Variants in GRIA2 observed in about 807,000 individuals in gnomAD.
GRIA2 encodes glutamate receptor 2.
A neutral mutation model predicts 97.3 loss-of-function variants in GRIA2; 14 were observed. The ratio of observed to expected loss-of-function variants is 0.14; its 90% confidence interval spans 0.10 to 0.23. The LOEUF is 0.23. GRIA2 is among the 10% of genes least tolerant of loss of function. The pLI is 1.00. For missense variants in GRIA2, 558 were observed against 1,069.8 expected (o/e 0.52, Z 6.67); for synonymous variants, 412 against 387.8 (o/e 1.06, Z -0.73).
At chr4:157,261,640 T>C (rs1288965664) in intron 2 of GRIA2, among the ~76,000 whole-genome samples, 1 of 152,148 alleles carries the variant, frequency 6.6e-6, no homozygotes, top group Admixed American at 6.6e-5. Context: ...ATGTGGAAAT[T>C]AGATTAGCTA....
At chr4:157,246,004 TA>T (rs541840753) in intron 2 of GRIA2, among the ~76,000 whole-genome samples, 8 of 151,804 alleles carry the variant, frequency 5.3e-5, no homozygotes, top group East Asian at 1.9e-4. Context: ...TTTTTTCTGA[TA>T]AAAAAAACAA....
At chr4:157,321,649 G>A in intron 6 of GRIA2, 50 bp downstream of exon 6, 2 of 1,335,082 alleles carry the variant, frequency 1.5e-6, no homozygotes, top group Non-Finnish European at 2.1e-6. Context: ...TGAGGAGAGA[G>A]AAGAGTCTTG....
At chr4:157,299,337 C>A (rs991545399) in intron 2 of GRIA2, among the ~76,000 whole-genome samples, 8 of 152,020 alleles carry the variant, frequency 5.3e-5, no homozygotes, top group Non-Finnish European at 1.2e-4. Flanking sequence ...TCAGTGGTTT[C>A]CATATTTTGA....
chr4:157,351,794 C>G (rs1356575546), intron 12 of GRIA2, among the ~76,000 whole-genome samples: 1 of 152,172 alleles, frequency 6.6e-6, no homozygotes, highest in African/African-American at 2.4e-5. Flanking sequence ...ACCCTTTGCT[C>G]CATACTTCTT....
intron 1 of GRIA2, 83 bp from the exon 2 acceptor site, chr4:157,221,584 G>T (rs1729495490): frequency 1.4e-6 from 2 of 1,430,994 alleles, no homozygotes; most frequent in South Asian, 1.3e-5. Flanking sequence ...GAGACTCTTG[G>T]ATTTTTGGGC....
At chr4:157,240,395 AT>A in intron 2 of GRIA2, among the ~76,000 whole-genome samples, 1 of 152,106 alleles carries the variant, frequency 6.6e-6, no homozygotes, top group East Asian at 1.9e-4. Context: ...TTCCACAAAA[AT>A]TTTTGAAATA....
rs1736782054 is a variant in GRIA2, at chr4:157,364,330, A to G, written c.*899A>G. The G allele has an allele frequency of 6.6e-6, 1 of 152,470 alleles. No homozygotes were observed. The highest frequency in any genetic ancestry group is 1.5e-5 in the Non-Finnish European group (1 of 67,958). The allele number at this position is 152,470 out of a possible 1,614,324, so 9.4% of individuals were successfully genotyped here. A position where few individuals can be genotyped will look rare whatever the true frequency, so the allele number is the denominator to read the frequency against. Reference sequence around the variant, plus strand: ...AATTTTGCTTAGCTACAGTTTGGTCATAAATCAAGTGAGTTTAAAGACACT... The same window carrying G: ...AATTTTGCTTAGCTACAGTTTGGTCGTAAATCAAGTGAGTTTAAAGACACT... On this transcript the variant is annotated 3_prime_UTR_variant, in exon 16 of 16. Coordinates refer to ENST00000264426, the MANE Select transcript of GRIA2 (RefSeq NM_001083619.3).
At chr4:157,334,295 T>G in intron 9 of GRIA2, 175 bp downstream of exon 9, 1 of 543,206 alleles carries the variant, frequency 1.8e-6, no homozygotes, top group Non-Finnish European at 3.3e-6. Context: ...GCTAAAGCAT[T>G]GAAAATGTTC....
At chr4:157,350,996 A>C (rs1735988788) in intron 12 of GRIA2, among the ~76,000 whole-genome samples, 1 of 147,694 alleles carries the variant, frequency 6.8e-6, no homozygotes, top group Non-Finnish European at 1.5e-5. Flanking sequence ...TCTATCATAT[A>C]CAGTAGTAAT....
At chr4:157,347,432 G>T (rs1735810467) in intron 12 of GRIA2, among the ~76,000 whole-genome samples, 1 of 152,142 alleles carries the variant, frequency 6.6e-6, no homozygotes. Context: ...ATACCAAAGA[G>T]AAAGCATTCC....
intron 2 of GRIA2, among the ~76,000 whole-genome samples, chr4:157,278,051 A>C (rs2126807209): frequency 6.6e-6 from 1 of 151,592 alleles, no homozygotes; most frequent in East Asian, 1.9e-4. Context: ...TCCCAACTTG[A>C]TTTATAGATT....
At position 157,355,908 on chromosome 4, in the gene GRIA2, T is replaced by TTA. The variant is rs1560781048; in HGVS notation, c.2044-3988_2044-3987insTA. 1.5e-3 allele frequency among the ~76,000 whole-genome samples: 92 copies of TTA among 61,814 alleles called. 5 individuals carry two copies. Among genetic ancestry groups the TTA allele is most frequent in the Non-Finnish European group, 2.5e-3 (82 of 32,300 alleles). 40.6% of individuals were successfully genotyped at this position (61,814 alleles called of 152,430 possible). Reference sequence around the variant, plus strand: ...ATTAATATATTTATATATAAATATATATATATTAATATATTTATATATATT... The same window carrying TTA: ...ATTAATATATTTATATATAAATATATTAATATATTAATATATTTATATATATT... On this transcript the variant is annotated intron_variant, in intron 12 of 15. Coordinates refer to ENST00000264426, the MANE Select transcript of GRIA2 (RefSeq NM_001083619.3).
intron 1 of GRIA2, 28 bp downstream of exon 1, chr4:157,221,158 A>G: frequency 9.4e-7 from 1 of 1,061,622 alleles, no homozygotes; most frequent in Non-Finnish European, 1.5e-6. Context: ...TATGCTTTTG[A>G]ATTGTGCATA....
At chr4:157,324,015 A>G (rs1009491586) in intron 6 of GRIA2, among the ~76,000 whole-genome samples, 6 of 152,170 alleles carry the variant, frequency 3.9e-5, no homozygotes, top group African/African-American at 1.4e-4. Context: ...CAGGATTCTC[A>G]TCTGTACAAT....
At chr4:157,223,074 A>C (rs28669039) in intron 2 of GRIA2, among the ~76,000 whole-genome samples, 2,538 of 152,304 alleles carry the variant, frequency 0.017, 72 homozygotes, top group African/African-American at 0.057. Context: ...GGGGAAAATT[A>C]CCACAGGAAA....
chr4:157,261,532 T>C (rs1731534228), intron 2 of GRIA2, among the ~76,000 whole-genome samples: 1 of 152,118 alleles, frequency 6.6e-6, no homozygotes, highest in African/African-American at 2.4e-5. Context: ...AGAAATTAAG[T>C]AACTTGACTA....
At chr4:157,262,031 G>T (rs1387299154) in intron 2 of GRIA2, among the ~76,000 whole-genome samples, 2 of 151,994 alleles carry the variant, frequency 1.3e-5, no homozygotes, top group African/African-American at 4.8e-5. Flanking sequence ...GAAATATAAC[G>T]TCCTCTTTAT....
At chr4:157,252,648 G>T (rs1358631736) in intron 2 of GRIA2, among the ~76,000 whole-genome samples, 1 of 152,176 alleles carries the variant, frequency 6.6e-6, no homozygotes, top group Admixed American at 6.6e-5. Context: ...TTTTCTAAAT[G>T]ATCAATGCAT....
At chr4:157,257,711 T>G (rs1199145906) in intron 2 of GRIA2, among the ~76,000 whole-genome samples, 1 of 152,080 alleles carries the variant, frequency 6.6e-6, no homozygotes, top group Non-Finnish European at 1.5e-5. Context: ...CTAGAAATAA[T>G]TTTATCCAGC....
Sources: allele counts gnomAD v4.1 joint callset (sites outside exome capture counted in the v4.1 genomes callset), GRCh38; gene constraint gnomAD v4.1.1; transcripts MANE v1.5; gene names NCBI Gene and HGNC (gene_info 2026-07-23, HGNC 2026-07-21).